POM121C: variants seen among roughly 807,000 people sequenced by gnomAD.
The protein encoded by POM121C is POM121 transmembrane nucleoporin C.
A neutral mutation model predicts 66.4 loss-of-function variants in POM121C; 20 were observed. The ratio of observed to expected loss-of-function variants is 0.30; its 90% CI spans 0.21 to 0.44. POM121C has a LOEUF of 0.44. POM121C is among the 20% of genes least tolerant of loss of function. The pLI, the probability that POM121C is intolerant of heterozygous loss-of-function variation, is 1.00. For missense variants in POM121C, 580 were observed against 1,225.7 expected (o/e 0.47, Z 7.87); for synonymous variants, 286 against 528.0 (o/e 0.54, Z 6.28).
At chr7:75,424,999 A>G (rs1789883108) in intron 10 of POM121C, 75 bp downstream of exon 10, 3 of 1,538,048 alleles carry the variant, frequency 2.0e-6, no homozygotes, top group Admixed American at 2.2e-5. Flanking sequence ...AAAACAGAAG[A>G]AACTTGTCCT....
At chr7:75,425,929 CA>C (rs61124291) in intron 8 of POM121C, among the ~76,000 whole-genome samples, 58,618 of 151,290 alleles carry the variant, frequency 0.39, 13,964 homozygotes, top group East Asian at 0.94. Flanking sequence ...AAAACAAGCA[CA>C]AAACAATAAT....
chr7:75,482,436 A>G (rs1341615505), intron 1 of POM121C, among the ~76,000 whole-genome samples: 2 of 152,224 alleles, frequency 1.3e-5, no homozygotes, highest in African/African-American at 4.8e-5. Context: ...GCTCACGCCT[A>G]TAATCCTAGC....
rs1229084523 is a variant in POM121C, at chr7:75,417,167, C to T, written c.*1629G>A. 16 of 986,418 alleles carry T rather than the reference C, an allele frequency of 1.6e-5. No homozygotes were observed. Among genetic ancestry groups the T allele is most frequent in the Non-Finnish European group, 1.9e-5 (16 of 826,156 alleles). 61.1% of individuals were successfully genotyped at this position (986,418 alleles called of 1,614,324 possible). Reference sequence around the variant, plus strand: ...ACACGCAGCCAGGTATAACACTCGCCCTCAGTCACAACGGGGAGGGGGCAC... The same window carrying T: ...ACACGCAGCCAGGTATAACACTCGCTCTCAGTCACAACGGGGAGGGGGCAC... On this transcript the variant is annotated 3_prime_UTR_variant, in exon 15 of 15. Coordinates refer to ENST00000615331, the MANE Select transcript of POM121C (RefSeq NM_001099415.3).
chr7:75,421,386 C>T (rs1443363714), intron 13 of POM121C, 123 bp downstream of exon 13: 1 of 1,505,530 alleles, frequency 6.6e-7, no homozygotes, highest in African/African-American at 1.4e-5. Flanking sequence ...TGGCATCTCA[C>T]TGAGTTCTAT....
intron 3 of POM121C, among the ~76,000 whole-genome samples, chr7:75,456,079 A>G (rs1791202714): frequency 6.6e-6 from 1 of 152,126 alleles, no homozygotes; most frequent in Non-Finnish European, 1.5e-5. Flanking sequence ...GTACCAAAAC[A>G]ACAACAACAA....
chr7:75,436,252 A>G (rs1289062532), intron 7 of POM121C, among the ~76,000 whole-genome samples: 1 of 152,158 alleles, frequency 6.6e-6, no homozygotes, highest in East Asian at 1.9e-4. Context: ...TAAAACTTAG[A>G]CTGTAGTCTC....
At chr7:75,479,761 T>C (rs1284096442) in intron 1 of POM121C, among the ~76,000 whole-genome samples, 2 of 152,106 alleles carry the variant, frequency 1.3e-5, no homozygotes, top group Non-Finnish European at 2.9e-5. Flanking sequence ...GGAAGTGTCC[T>C]ATTGTAAGCT....
At chr7:75,436,234 A>C (rs1790402230) in intron 7 of POM121C, among the ~76,000 whole-genome samples, 2 of 152,168 alleles carry the variant, frequency 1.3e-5, no homozygotes, top group Non-Finnish European at 2.9e-5. Context: ...TGTCTATCTT[A>C]TCTCTCCTAA....
Position 75,470,456 on chromosome 7 carries a change from TTTTC to T in POM121C, c.-152+4244_-152+4247del, listed in dbSNP as rs1472761567. On this transcript the variant is annotated intron_variant, in intron 3 of 14. Coordinates refer to ENST00000615331, the MANE Select transcript of POM121C (RefSeq NM_001099415.3). The stretch of plus-strand genomic sequence containing the variant: ...ATTTACTGCAATGGTTTTCAAGCAC[TTTTC>T]TTTCTTTCTTTTTTTACAGAATCAG... Among the ~76,000 whole-genome samples, 6 of 151,384 alleles carry T rather than the reference TTTTC, an allele frequency of 4.0e-5. No individual in the cohort carries two copies. In the South Asian group the frequency reaches 8.3e-4, roughly 21 times the overall value.
At chr7:75,432,346 G>A (rs587612552) in intron 7 of POM121C, among the ~76,000 whole-genome samples, 2 of 152,258 alleles carry the variant, frequency 1.3e-5, no homozygotes, top group South Asian at 2.1e-4. Flanking sequence ...TAAATTAACT[G>A]TGGTTATATT....
At position 75,486,103 on chromosome 7, in the gene POM121C, T is replaced by C. The variant is rs1308939622; in HGVS notation, c.-697A>G. On this transcript the variant is annotated 5_prime_UTR_variant, in exon 1 of 15. Transcript: ENST00000615331. ...GGCCCCAGCGCCGCCGGCTCCGGGG[T>C]TCACGCTCGGGGGTCCCAGCTCGAG... The C allele has an allele frequency of 2.8e-6, 1 of 360,874 alleles. No homozygotes were observed. Among genetic ancestry groups the C allele is most frequent in the Non-Finnish European group, 5.3e-6 (1 of 188,444 alleles). 22.4% of individuals were successfully genotyped at this position (360,874 alleles called of 1,614,324 possible).
chr7:75,486,002 C>A lies in POM121C; in HGVS notation c.-596G>T. The A allele has an allele frequency of 2.1e-6, 1 of 481,688 alleles. No individual in the cohort carries two copies. The highest frequency in any genetic ancestry group is 4.1e-6 in the Non-Finnish European group (1 of 243,700). 29.8% of individuals were successfully genotyped at this position (481,688 alleles called of 1,614,324 possible). On this transcript the variant is annotated 5_prime_UTR_variant, in exon 1 of 15. Transcript: ENST00000615331. ...TGTTCTGCTCCCGAGGGGCCCGGGC[C>A]GGGCCTACGGGGCAAATCCAGGCGG...
At chr7:75,431,480 G>A (rs1426504429) in intron 7 of POM121C, among the ~76,000 whole-genome samples, 7 of 151,686 alleles carry the variant, frequency 4.6e-5, no homozygotes, top group Non-Finnish European at 8.8e-5. Context: ...GTGCATGCGT[G>A]TGGTCCCAGC....
At chr7:75,426,791 C>A (rs1789954769) in intron 7 of POM121C, among the ~76,000 whole-genome samples, 1 of 51,358 alleles carries the variant, frequency 1.9e-5, no homozygotes, top group African/African-American at 1.0e-4. Flanking sequence ...GAGTGAGACC[C>A]TGTCTCAAAA....
intron 5 of POM121C, among the ~76,000 whole-genome samples, chr7:75,439,721 A>C (rs1359392031): frequency 6.6e-6 from 1 of 152,050 alleles, no homozygotes; most frequent in African/African-American, 2.4e-5. Context: ...GTCCCATGAG[A>C]GCAGAGATTT....
intron 3 of POM121C, among the ~76,000 whole-genome samples, chr7:75,471,365 C>T (rs587644603): frequency 2.6e-5 from 4 of 151,926 alleles, no homozygotes; most frequent in African/African-American, 7.2e-5. Flanking sequence ...TGCACCACCA[C>T]GCCTGGCTAA....
chr7:75,456,075 A>AAAC (rs1162383659), intron 3 of POM121C, among the ~76,000 whole-genome samples: 5 of 152,248 alleles, frequency 3.3e-5, no homozygotes, highest in East Asian at 3.9e-4. Context: ...GTCTGTACCA[A>AAAC]AACAACAACA....
chr7:75,421,342 T>C (rs1789697915), intron 13 of POM121C, 167 bp downstream of exon 13: 3 of 1,463,810 alleles, frequency 2.0e-6, no homozygotes, highest in African/African-American at 1.4e-5. Context: ...GCTCCTCCAG[T>C]CATTACTACG....
chr7:75,436,873 G>T (rs587736347), intron 7 of POM121C, among the ~76,000 whole-genome samples: 1 of 152,028 alleles, frequency 6.6e-6, no homozygotes, highest in Non-Finnish European at 1.5e-5. Flanking sequence ...CTCCCACCTT[G>T]ATCTCCCAAA....
Sources: allele counts gnomAD v4.1 joint callset (sites outside exome capture counted in the v4.1 genomes callset), GRCh38; gene constraint gnomAD v4.1.1; transcripts MANE v1.5; gene names NCBI Gene and HGNC (gene_info 2026-07-23, HGNC 2026-07-21).